Variants in SHROOM3 observed in about 807,000 individuals in gnomAD.
The protein encoded by SHROOM3 is protein Shroom3.
A neutral mutation model predicts 138.6 loss-of-function variants in SHROOM3; 47 were observed. That is an observed-to-expected ratio of 0.34 (90% CI 0.27 to 0.43). The LOEUF (loss-of-function observed/expected upper bound fraction) is 0.43, where lower values mean the gene tolerates loss of function less well. Ranked by LOEUF, SHROOM3 falls within the 20% of genes least tolerant of loss-of-function variation. The probability of loss-of-function intolerance (pLI) is 1.00; values close to 1 mark genes in which losing one functional copy is unlikely to be tolerated. For synonymous variants in SHROOM3, 1,062 were observed against 1,063.3 expected, an observed-to-expected ratio of 1.00 and a Z score of 0.02; for missense variants, 2,491 against 2,596.5, an observed-to-expected ratio of 0.96 and a Z score of 0.88.
intron 9 of SHROOM3, among the ~76,000 whole-genome samples, chr4:76,763,270 C>G (rs1003447677): frequency 6.6e-6 from 1 of 151,982 alleles, no homozygotes; most frequent in Non-Finnish European, 1.5e-5. Flanking sequence ...AACTGTAATC[C>G]CAGCTACTCG....
At chr4:76,621,395 A>C (rs554983774) in intron 2 of SHROOM3, among the ~76,000 whole-genome samples, 1 of 152,240 alleles carries the variant, frequency 6.6e-6, no homozygotes, top group Non-Finnish European at 1.5e-5. Flanking sequence ...AGTACAAAGA[A>C]GGATTGCTAA....
intron 1 of SHROOM3, among the ~76,000 whole-genome samples, chr4:76,446,325 T>TA (rs3041169): frequency 0.017 from 2,473 of 143,184 alleles, 70 homozygotes; most frequent in African/African-American, 0.058. Context: ...GATAAACTGG[T>TA]AAAAAAAAAA....
At chr4:76,591,073 TAA>T (rs1296404963) in intron 2 of SHROOM3, among the ~76,000 whole-genome samples, 5 of 152,148 alleles carry the variant, frequency 3.3e-5, no homozygotes, top group African/African-American at 1.2e-4. Flanking sequence ...GATGAGACAT[TAA>T]GTTAGTCATT....
intron 1 of SHROOM3, among the ~76,000 whole-genome samples, chr4:76,513,589 C>T (rs971413758): frequency 2.0e-5 from 3 of 152,218 alleles, no homozygotes; most frequent in Admixed American, 6.5e-5. Context: ...ACTGGGATTA[C>T]AGGCATGAGC....
chr4:76,603,509 A>G (rs577962653), intron 2 of SHROOM3, among the ~76,000 whole-genome samples: 2 of 152,344 alleles, frequency 1.3e-5, no homozygotes, highest in African/African-American at 4.8e-5. Flanking sequence ...ATTTATGATC[A>G]AAGCCTCTGA....
At chr4:76,615,513 G>A (rs1165838162) in intron 2 of SHROOM3, among the ~76,000 whole-genome samples, 1 of 152,216 alleles carries the variant, frequency 6.6e-6, no homozygotes. Flanking sequence ...CCTGTTAGAA[G>A]TTGAAAGTAA....
At chr4:76,441,799 T>C (rs1420498524) in intron 1 of SHROOM3, among the ~76,000 whole-genome samples, 1 of 151,770 alleles carries the variant, frequency 6.6e-6, no homozygotes, top group African/African-American at 2.4e-5. Context: ...CTCGGCTCAC[T>C]GCAACCTCTG....
At chr4:76,757,150 T>G in intron 8 of SHROOM3, 2 of 612,866 alleles carry the variant, frequency 3.3e-6, no homozygotes, top group Non-Finnish European at 5.6e-6. Context: ...ATAATTATAA[T>G]AATTGCCATT....
At position 76,436,195 on chromosome 4, in the gene SHROOM3, A is replaced by T. The variant is rs552156659; in HGVS notation, c.143A>T (p.His48Leu). 1.9e-6 allele frequency: 3 copies of T among 1,614,080 alleles called. No individual in the cohort carries two copies. In the South Asian group the frequency reaches 3.3e-5, roughly 18 times the overall value. The part of the protein sequence containing the change: ...WGFTLKGGLE[H>L]GEPLIISKVE... ...TTTACTCTAAAGGGTGGCCTGGAGC[A>T]CGGAGAACCATTAATCATCTCTAAG... is the stretch of plus-strand genomic sequence containing the variant. Residue 48 changes from histidine to leucine, a missense_variant, in exon 1 of 11, where the codon CAC becomes CTC. Coordinates refer to ENST00000296043, the MANE Select transcript of SHROOM3 (RefSeq NM_020859.4).
chr4:76,744,997 A>G (rs1721390066), intron 5 of SHROOM3, among the ~76,000 whole-genome samples: 1 of 152,242 alleles, frequency 6.6e-6, no homozygotes, highest in Non-Finnish European at 1.5e-5. Context: ...AACTACTTGT[A>G]GCCTGAGACC....
rs1005470313 is a variant in SHROOM3 at position 76,780,532 on chromosome 4, A to G, written c.*1355A>G. 21 of 151,228 alleles carry G rather than the reference A, an allele frequency of 1.4e-4. No homozygotes were observed. Among genetic ancestry groups the G allele is most frequent in the African/African-American group, 4.9e-4 (20 of 40,974 alleles). 9.4% of individuals were successfully genotyped at this position (151,228 alleles called of 1,614,324 possible). On this transcript the variant is annotated 3_prime_UTR_variant, in exon 11 of 11. Coordinates refer to ENST00000296043, the MANE Select transcript of SHROOM3 (RefSeq NM_020859.4). Reference sequence around the variant, plus strand: ...GAAAATTGGGGGAGTAAAATTTTGAAGTAAAAAAAAAAAAAAAATGACAAG... The same window carrying G: ...GAAAATTGGGGGAGTAAAATTTTGAGGTAAAAAAAAAAAAAAAATGACAAG...
In SHROOM3 at chr4:76,725,037, C is replaced by T. The variant is rs112936064; in HGVS notation, c.456-5767C>T. Among the ~76,000 whole-genome samples the T allele has an allele frequency of 8.5e-5, 13 of 152,194 alleles. No homozygotes were observed. The East Asian group carries it at 1.7e-3, about 20-fold the overall frequency. ...ATCTTATAAAACAAAGATTTATCTC[C>T]GAAGCCCTCTCCCAACATATCTTCT... On this transcript the variant is annotated intron_variant, in intron 3 of 10. Coordinates refer to ENST00000296043, the MANE Select transcript of SHROOM3 (RefSeq NM_020859.4).
chr4:76,774,714 T>A (rs1722489333), intron 10 of SHROOM3, among the ~76,000 whole-genome samples: 3 of 95,008 alleles, frequency 3.2e-5, no homozygotes. Context: ...TTGGGGTTTT[T>A]TTTTTGTTTT....
intron 10 of SHROOM3, among the ~76,000 whole-genome samples, chr4:76,774,550 T>G (rs1393513557): frequency 6.6e-6 from 1 of 152,032 alleles, no homozygotes; most frequent in African/African-American, 2.4e-5. Flanking sequence ...CCATTAATGA[T>G]AGGTACACAG....
chr4:76,613,784 G>T (rs1433772425), intron 2 of SHROOM3, among the ~76,000 whole-genome samples: 1 of 152,160 alleles, frequency 6.6e-6, no homozygotes, highest in Admixed American at 6.5e-5. Context: ...TGGCCATGCT[G>T]CATGCTCAAC....
chr4:76,720,745 A>G (rs1007539688), intron 3 of SHROOM3, among the ~76,000 whole-genome samples: 13 of 150,600 alleles, frequency 8.6e-5, no homozygotes, highest in African/African-American at 3.2e-4. Context: ...CTGAGTAGCT[A>G]GGATTACAGG....
At chr4:76,777,686 G>C (rs1722612130) in intron 10 of SHROOM3, among the ~76,000 whole-genome samples, 1 of 152,144 alleles carries the variant, frequency 6.6e-6, no homozygotes, top group Non-Finnish European at 1.5e-5. Context: ...TTCTCAGGGG[G>C]AATGCTTTCA....
rs550947366 is a variant in SHROOM3, at chr4:76,551,885, A to G, written c.169-3724A>G. Among the ~76,000 whole-genome samples, 89 of 151,554 alleles carry G rather than the reference A, an allele frequency of 5.9e-4. 1 individual carries two copies. The South Asian group carries it at 0.014, about 24-fold the overall frequency. ...TATTATTATTATTTTTTTTTGAGAC[A>G]GAGTCTCGCTCTGTCACCCAGGCTG... On this transcript the variant is annotated intron_variant, in intron 1 of 10. Coordinates refer to ENST00000296043, the MANE Select transcript of SHROOM3 (RefSeq NM_020859.4).
rs1721214932 is a variant in SHROOM3, at chr4:76,740,566, C to T, written c.2393C>T (p.Pro798Leu). 1.2e-6 allele frequency: 2 copies of T among 1,614,016 alleles called. No homozygotes were observed. The highest frequency in any genetic ancestry group is 2.2e-5 in the East Asian group (1 of 44,886). Residue 798 changes from proline to leucine, a missense_variant, in exon 5 of 11, where the codon CCG becomes CTG. Physicochemically the swap from Pro to Leu is moderately conservative, Grantham distance 98. This residue lies in a region of SHROOM3 where 1,733 missense variants were observed against 1,661.6 expected (regional missense o/e 1.04). Coordinates refer to ENST00000296043, the MANE Select transcript of SHROOM3 (RefSeq NM_020859.4). The surrounding 1 kb of genome is among the most constrained non-coding windows in gnomAD (Gnocchi z 4.0). ...FEQREQGSQRPSVGGSGFGHN... is the reference protein window; with the variant it reads ...FEQREQGSQRLSVGGSGFGHN... Reference sequence around the variant, plus strand: ...CAGCGAGAGCAAGGGAGCCAGAGACCGAGTGTGGGCGGCTCTGGTTTTGGC... The same window carrying T: ...CAGCGAGAGCAAGGGAGCCAGAGACTGAGTGTGGGCGGCTCTGGTTTTGGC...
Sources: allele counts gnomAD v4.1 joint callset (sites outside exome capture counted in the v4.1 genomes callset), GRCh38; gene constraint gnomAD v4.1.1; regional missense constraint gnomAD v4.1.1; non-coding constraint Gnocchi (gnomAD v3.1); transcripts MANE v1.5; gene names NCBI Gene and HGNC (gene_info 2026-07-23, HGNC 2026-07-21).